CCDC66: variants seen among roughly 807,000 people sequenced by gnomAD.
The protein encoded by CCDC66 is coiled-coil domain containing 66.
In CCDC66, 133 loss-of-function variants were observed where a neutral mutation model predicts 128.3. That is an observed-to-expected ratio of 1.04 (90% CI 0.90 to 1.20). CCDC66 has a LOEUF of 1.20. Ranked by LOEUF, CCDC66 falls within the 50% of genes most tolerant of loss-of-function variation. The probability of loss-of-function intolerance (pLI) is 0.00; values close to 1 mark genes in which losing one functional copy is unlikely to be tolerated. For synonymous variants in CCDC66, 387 were observed against 357.0 expected (o/e 1.08, Z -0.95); for missense variants, 1,126 against 1,075.5 (o/e 1.05, Z -0.66).
chr3:56,618,060 T>C, intron 14 of CCDC66, 112 bp from the exon 15 acceptor site: 1 of 858,936 alleles, frequency 1.2e-6, no homozygotes, highest in South Asian at 1.4e-5. Context: ...AGTCAGTACC[T>C]GTTATTCAAA....
At position 56,565,481 on chromosome 3, in the gene CCDC66, CGG is replaced by C. The variant is rs2065698608; in HGVS notation, c.545-1110_545-1109del. On this transcript the variant is annotated intron_variant, in intron 4 of 17. Transcript: ENST00000394672. ...CTTTTTTTTGTATTTTTAGTAGAGA[CGG>C]GGTTTCACCGTGTTAGCCAGGATGA... Among the ~76,000 whole-genome samples the C allele has an allele frequency of 1.4e-5, 2 of 147,542 alleles. 1 individual carries two copies. The highest frequency in any genetic ancestry group is 5.0e-5 in the African/African-American group (2 of 40,024).
In CCDC66 at chr3:56,592,900, A is replaced by G; in HGVS notation, c.937-70A>G. On this transcript the variant is annotated intron_variant, in intron 7 of 17. Transcript: ENST00000394672. ...ATTAAATCTGTATGTTACTTTGGCA[A>G]GATTTGCACATATTAAGTGATTAGA... The G allele has an allele frequency of 8.5e-6, 13 of 1,524,084 alleles. 1 individual carries two copies. The Middle Eastern group carries it at 1.4e-3, about 165-fold the overall frequency. 94.4% of individuals were successfully genotyped at this position (1,524,084 alleles called of 1,614,324 possible). A position where few individuals can be genotyped will look rare whatever the true frequency, so the allele number is the denominator to read the frequency against.
At position 56,617,467 on chromosome 3, in the gene CCDC66, G is replaced by GAGGCAGATGGAATTGCTTCATTTGGT. The variant is rs780857210; in HGVS notation, c.2202_2227dup (p.Glu743GlyfsTer9). 1.9e-5 allele frequency: 30 copies of GAGGCAGATGGAATTGCTTCATTTGGT among 1,613,906 alleles called. No individual in the cohort carries two copies. Among genetic ancestry groups the GAGGCAGATGGAATTGCTTCATTTGGT allele is most frequent in the Middle Eastern group, 3.3e-4 (2 of 6,080 alleles). The stretch of plus-strand genomic sequence containing the variant: ...AGCAGAGAGAAGAAAAAAAAGTAAG[G>GAGGCAGATGGAATTGCTTCATTTGGT]AGGCAGATGGAATTGCTTCATTTGG... On this transcript the variant is annotated frameshift_variant, in exon 14 of 18. Coordinates refer to ENST00000394672, the MANE Select transcript of CCDC66 (RefSeq NM_001141947.3). LOFTEE classifies it high-confidence loss of function.
rs1577179278 is a variant in CCDC66 at position 56,558,935 on chromosome 3, A to G, written c.76+25A>G. The G allele has an allele frequency of 5.4e-6, 8 of 1,471,754 alleles. No individual in the cohort carries two copies. The East Asian group carries it at 1.7e-4, about 32-fold the overall frequency. 91.2% of individuals were successfully genotyped at this position (1,471,754 alleles called of 1,614,324 possible). A position where few individuals can be genotyped will look rare whatever the true frequency, so the allele number is the denominator to read the frequency against. On this transcript the variant is annotated intron_variant, in intron 2 of 17. Coordinates refer to ENST00000394672, the MANE Select transcript of CCDC66 (RefSeq NM_001141947.3). ...GGTATGTTGTGTTACAGAAATCTGA[A>G]ATGTTAACTTTTAAATTCATACATA...
At chr3:56,562,452 A>G (rs1397741987) in intron 3 of CCDC66, among the ~76,000 whole-genome samples, 1 of 152,188 alleles carries the variant, frequency 6.6e-6, no homozygotes, top group Non-Finnish European at 1.5e-5. Context: ...AAATACAGAT[A>G]ATACAGTATC....
intron 4 of CCDC66, among the ~76,000 whole-genome samples, chr3:56,565,705 C>T (rs559102618): frequency 1.3e-5 from 2 of 151,814 alleles, no homozygotes; most frequent in Non-Finnish European, 2.9e-5. Context: ...CTCGCTGCAT[C>T]GCCCAGGCTG....
chr3:56,564,189 T>G, intron 4 of CCDC66, 64 bp downstream of exon 4: 2 of 1,227,884 alleles, frequency 1.6e-6, no homozygotes, highest in East Asian at 2.4e-5. Context: ...GAATATCAGA[T>G]TCATTGGGTT....
intron 13 of CCDC66, chr3:56,616,329 G>T: frequency 3.5e-6 from 1 of 284,162 alleles, no homozygotes; most frequent in Non-Finnish European, 6.5e-6. Flanking sequence ...CCCATTACTT[G>T]CCACTTTCTA....
At chr3:56,602,805 G>T (rs1240118573) in intron 10 of CCDC66, among the ~76,000 whole-genome samples, 3 of 148,940 alleles carry the variant, frequency 2.0e-5, no homozygotes, top group Non-Finnish European at 3.0e-5. Context: ...TTGTATTTCT[G>T]TGGGAACAGC....
In CCDC66 at chr3:56,567,062, C is replaced by T; in HGVS notation, c.814+9C>T. ...GTGGAGGAAAGAGCTAGGTAGGTAA[C>T]TTTTATACCTTTATTATAGTTTTAT... On this transcript the variant is annotated intron_variant, in intron 6 of 17. Coordinates refer to ENST00000394672, the MANE Select transcript of CCDC66 (RefSeq NM_001141947.3). 1 of 1,576,392 alleles carries T rather than the reference C, an allele frequency of 6.3e-7. No homozygotes were observed. The highest frequency in any genetic ancestry group is 8.7e-7 in the Non-Finnish European group (1 of 1,146,226).
chr3:56,560,812 A>C (rs1432810346), intron 3 of CCDC66: 1 of 438,518 alleles, frequency 2.3e-6, no homozygotes. Context: ...TATCAGTAGG[A>C]ATTTCTCTTC....
chr3:56,613,772 G>C lies in CCDC66; in HGVS notation c.1566+22G>C, dbSNP rs760421437. 9 of 1,586,050 alleles carry C rather than the reference G, an allele frequency of 5.7e-6. No homozygotes were observed. In the East Asian group the frequency reaches 1.8e-4, roughly 32 times the overall value. On this transcript the variant is annotated intron_variant, in intron 11 of 17. Transcript: ENST00000394672. ...GGAAGTAGGTACTTACATTCTAATT[G>C]TAACTTTGGTTTTTGTTTGTGTTTT...
intron 6 of CCDC66, chr3:56,570,536 G>T (rs543390573): frequency 1.9e-5 from 3 of 155,000 alleles, no homozygotes; most frequent in Non-Finnish European, 4.3e-5. Flanking sequence ...TGGATCACAA[G>T]GTCAGGAAAT....
chr3:56,615,465 C>T (rs2075373621), intron 12 of CCDC66, 193 bp downstream of exon 12: 1 of 545,670 alleles, frequency 1.8e-6, no homozygotes, highest in Non-Finnish European at 3.1e-6. Flanking sequence ...GCTGGTCTTG[C>T]TGCCTTCAGA....
At chr3:56,569,832 T>TTTGTTG (rs1299274204) in intron 6 of CCDC66, 1 of 152,198 alleles carries the variant, frequency 6.6e-6, no homozygotes, top group African/African-American at 2.4e-5. Flanking sequence ...TTTAATCATT[T>TTTGTTG]TTGTTGTTGT....
chr3:56,615,633 T>C (rs2075396668), intron 12 of CCDC66, among the ~76,000 whole-genome samples: 1 of 152,214 alleles, frequency 6.6e-6, no homozygotes, highest in Admixed American at 6.5e-5. Flanking sequence ...ATAGGAATGC[T>C]TAATTTATGT....
intron 7 of CCDC66, among the ~76,000 whole-genome samples, chr3:56,591,655 C>G (rs75186808): frequency 0.031 from 4,704 of 152,266 alleles, 106 homozygotes; most frequent in Non-Finnish European, 0.048. Context: ...ATTGTTAAAT[C>G]TTTTACCTAA....
chr3:56,604,233 T>G (rs1443652052), intron 10 of CCDC66, among the ~76,000 whole-genome samples: 1 of 152,070 alleles, frequency 6.6e-6, no homozygotes, highest in Non-Finnish European at 1.5e-5. Flanking sequence ...TTTATCCAGT[T>G]TGCCAGTCTG....
chr3:56,593,409 G>T, intron 8 of CCDC66, 82 bp from the exon 9 acceptor site: 3 of 1,485,460 alleles, frequency 2.0e-6, no homozygotes, highest in South Asian at 2.6e-5. Context: ...GTGACTTTTA[G>T]AAATCATCTT....
Sources: allele counts gnomAD v4.1 joint callset (sites outside exome capture counted in the v4.1 genomes callset), GRCh38; gene constraint gnomAD v4.1.1; transcripts MANE v1.5; gene names NCBI Gene and HGNC (gene_info 2026-07-23, HGNC 2026-07-21).